GART: variants seen among roughly 807,000 people sequenced by gnomAD.
GART encodes phosphoribosylglycinamide formyltransferase, phosphoribosylglycinamide synthetase, phosphoribosylaminoimidazole synthetase, also known as trifunctional purine biosynthetic protein adenosine-3.
In GART, 43 loss-of-function variants were observed where a neutral mutation model predicts 107.2. The ratio of observed to expected loss-of-function variants is 0.40; its 90% confidence interval spans 0.31 to 0.52. The LOEUF is 0.52. GART is among the 20% of genes least tolerant of loss of function. GART has a pLI of 0.52. For missense variants in GART, 1,107 were observed against 1,206.5 expected, an observed-to-expected ratio of 0.92 and a Z score of 1.22; for synonymous variants, 434 against 427.0, an observed-to-expected ratio of 1.02 and a Z score of -0.20.
Position 33,528,611 on chromosome 21 carries a change from TA to T in GART, c.812-8del. On this transcript the variant is annotated splice_region_variant and splice_polypyrimidine_tract_variant and intron_variant, in intron 8 of 21. Transcript: ENST00000381815. ...ATTCCAGCATAGAGAATACCTTCAT[TA>T]AAAAAGAAAAAAAAAAAAAAGAGAG... 8.4e-7 allele frequency: 1 copy of T among 1,191,192 alleles called. No individual in the cohort carries two copies. Among genetic ancestry groups the T allele is most frequent in the Non-Finnish European group, 1.1e-6 (1 of 920,042 alleles). 73.8% of individuals were successfully genotyped at this position (1,191,192 alleles called of 1,614,324 possible).
chr21:33,531,414 A>G, intron 6 of GART, 75 bp downstream of exon 6: 1 of 1,275,406 alleles, frequency 7.8e-7, no homozygotes, highest in Non-Finnish European at 1.1e-6. Flanking sequence ...GAGTATATCA[A>G]GTCTTTTCTG....
intron 17 of GART, 23 bp downstream of exon 17, chr21:33,511,229 A>G: frequency 1.9e-6 from 3 of 1,612,740 alleles, no homozygotes; most frequent in Non-Finnish European, 2.5e-6. Context: ...TTATATATCT[A>G]AAAATGAGTA....
intron 14 of GART, chr21:33,519,130 A>G (rs966747435): frequency 7.2e-6 from 2 of 278,178 alleles, no homozygotes; most frequent in Non-Finnish European, 1.4e-5. Flanking sequence ...TCATCTTGTC[A>G]GCGTGGAAAA....
At chr21:33,524,267 A>G (rs1413252862) in intron 11 of GART, 9 of 985,970 alleles carry the variant, frequency 9.1e-6, no homozygotes, top group African/African-American at 5.2e-5. Flanking sequence ...AATCAGTATC[A>G]GGCCAAGTGC....
chr21:33,517,574 G>C lies in GART; in HGVS notation c.1737C>G (p.Pro579=). 6.2e-7 allele frequency: 1 copy of C among 1,614,168 alleles called. No individual in the cohort carries two copies. The highest frequency in any genetic ancestry group is 8.5e-7 in the Non-Finnish European group (1 of 1,180,010). Residue 579 remains proline (P), a synonymous_variant, in exon 15 of 22, where the codon CCC becomes CCG. Coordinates refer to ENST00000381815, the MANE Select transcript of GART (RefSeq NM_000819.5). ...GETAEMPDMY[P]PGEYDLAGFA... ...ACCCAGCTAGGTCATACTCTCCAGG[G>C]GGATACATGTCAGGCATTTCTGCTG...
intron 4 of GART, among the ~76,000 whole-genome samples, chr21:33,533,841 GC>G (rs1432325857): frequency 1.3e-5 from 2 of 151,976 alleles, no homozygotes; most frequent in East Asian, 3.9e-4. Context: ...GGAAGCAGAG[GC>G]TGCTGTGAGC....
intron 5 of GART, chr21:33,531,925 A>T (rs1387144380): frequency 8.1e-6 from 2 of 246,838 alleles, no homozygotes; most frequent in Non-Finnish European, 1.6e-5. Flanking sequence ...CATGCTTGTG[A>T]AAGTAGACTT....
chr21:33,536,323 G>A (rs2085303418), intron 2 of GART, among the ~76,000 whole-genome samples: 1 of 152,124 alleles, frequency 6.6e-6, no homozygotes, highest in South Asian at 2.1e-4. Context: ...AGTAACTAGT[G>A]GTAGGATCAA....
chr21:33,537,658 A>G (rs1457813774), intron 2 of GART, among the ~76,000 whole-genome samples: 1 of 152,186 alleles, frequency 6.6e-6, no homozygotes, highest in Non-Finnish European at 1.5e-5. Context: ...AATAATGAGG[A>G]GACAGTCATA....
chr21:33,530,073 T>C (rs2085154515), intron 7 of GART, among the ~76,000 whole-genome samples: 1 of 152,128 alleles, frequency 6.6e-6, no homozygotes, highest in Admixed American at 6.5e-5. Flanking sequence ...GTGCCTGTAG[T>C]CCCAGCTACT....
intron 10 of GART, among the ~76,000 whole-genome samples, chr21:33,526,171 ACTTC>A (rs1292250796): frequency 6.8e-6 from 1 of 147,970 alleles, no homozygotes; most frequent in East Asian, 2.1e-4. Context: ...CCAGCCGGGA[ACTTC>A]CTTTTCTTTT....
In GART at chr21:33,524,878, T is replaced by C. The variant is rs1207448139; in HGVS notation, c.1189A>G (p.Ile397Val). The change falls in exon 11 of 22, where the codon ATA (isoleucine) becomes GTA (valine). Residue 397 changes from isoleucine (I) to valine (V), a missense_variant. Coordinates refer to ENST00000381815, the MANE Select transcript of GART (RefSeq NM_000819.5). ...TTCTTGGCTTCCTCAAGGGCTGATA[T>C]GAGATTTTCCCGGATGGCTGTGACT... ...LAVTAIRENLISALEEAKKGL... is the reference protein window; with the variant it reads ...LAVTAIRENLVSALEEAKKGL... 7.4e-6 allele frequency: 12 copies of C among 1,612,102 alleles called. No homozygotes were observed. The highest frequency in any genetic ancestry group is 1.7e-5 in the Admixed American group (1 of 60,006).
chr21:33,528,448 C>G (rs948577181), intron 9 of GART, 71 bp downstream of exon 9: 1 of 1,540,006 alleles, frequency 6.5e-7, no homozygotes, highest in Non-Finnish European at 8.9e-7. Flanking sequence ...TAATTACTTC[C>G]AGGCTGATAA....
intron 2 of GART, among the ~76,000 whole-genome samples, chr21:33,537,561 CAA>C (rs1333302220): frequency 1.3e-5 from 2 of 152,040 alleles, no homozygotes; most frequent in Admixed American, 1.3e-4. Context: ...TGATCATAAA[CAA>C]ATGAAATGGG....
At chr21:33,516,518 C>T (rs2084882590) in intron 16 of GART, among the ~76,000 whole-genome samples, 2 of 152,196 alleles carry the variant, frequency 1.3e-5, no homozygotes, top group African/African-American at 4.8e-5. Context: ...CAAACTTACT[C>T]TTCTTCCTAT....
At position 33,534,631 on chromosome 21, in the gene GART, C is replaced by A; in HGVS notation, c.364G>T (p.Ala122Ser). ...EFMDRHGIPT[A>S]QWKAFTKPEE... The stretch of plus-strand genomic sequence containing the variant: ...GGTTTGGTGAAAGCCTTCCATTGTG[C>A]GGTTGGGATTCCATGTCTGTCCATA... The change falls in exon 4 of 22, where the codon GCA becomes TCA. Residue 122 changes from alanine (A) to serine (S), a missense_variant. By Grantham distance (99) the Ala-to-Ser change is moderately conservative. Transcript: ENST00000381815. 1 of 1,614,172 alleles carries A rather than the reference C, an allele frequency of 6.2e-7. No homozygotes were observed. Among genetic ancestry groups the A allele is most frequent in the Non-Finnish European group, 8.5e-7 (1 of 1,180,010 alleles).
In GART at chr21:33,528,914, T is replaced by G; in HGVS notation, c.747A>C (p.Lys249Asn). The change falls in exon 8 of 22, where the codon AAA becomes AAC. Residue 249 changes from lysine (K) to asparagine (N), a missense_variant. Transcript: ENST00000381815. Reference protein sequence around the residue: ...APQVSNDLLLKIKDTVLQRTV... With the variant: ...APQVSNDLLLNIKDTVLQRTV... Reference sequence around the variant, plus strand: ...TCCTCTGAAGAACAGTATCTTTAATTTTTAGTAATAGATCATTAGAAACCT... The same window carrying G: ...TCCTCTGAAGAACAGTATCTTTAATGTTTAGTAATAGATCATTAGAAACCT... 6.2e-7 allele frequency: 1 copy of G among 1,612,746 alleles called. No individual in the cohort carries two copies. Among genetic ancestry groups the G allele is most frequent in the South Asian group, 1.1e-5 (1 of 91,052 alleles).
rs372490250 is a variant in GART at position 33,516,972 on chromosome 21, C to A, written c.2107+17G>T. The A allele has an allele frequency of 3.6e-5, 57 of 1,578,308 alleles. No homozygotes were observed. The highest frequency in any genetic ancestry group is 1.7e-4 in the Middle Eastern group (1 of 5,864). The stretch of plus-strand genomic sequence containing the variant: ...CTCAGCAATTTTCTGAACAGAAGTT[C>A]GTTTTAGTGATCTTACCTAAATCTA... On this transcript the variant is annotated intron_variant, in intron 16 of 21. Transcript: ENST00000381815.
intron 3 of GART, 136 bp downstream of exon 3, chr21:33,535,089 A>G: frequency 1.7e-6 from 1 of 584,690 alleles, no homozygotes; most frequent in Non-Finnish European, 2.7e-6. Context: ...TCTAGACTCC[A>G]TAAATTTCGA....
Sources: allele counts gnomAD v4.1 joint callset (sites outside exome capture counted in the v4.1 genomes callset), GRCh38; gene constraint gnomAD v4.1.1; transcripts MANE v1.5; gene names NCBI Gene and HGNC (gene_info 2026-07-23, HGNC 2026-07-21).